PHF21A: variants seen among roughly 807,000 people sequenced by gnomAD.
PHF21A encodes BHC80a.
A neutral mutation model predicts 82.5 loss-of-function variants in PHF21A; 11 were observed. The ratio of observed to expected loss-of-function variants is 0.13; its 90% CI spans 0.08 to 0.22. The LOEUF is 0.22. Among genes scored for constraint, PHF21A ranks in the 10% least tolerant of loss-of-function variants. The pLI is 1.00. For synonymous variants in PHF21A, 297 were observed against 302.8 expected (o/e 0.98, Z 0.20); for missense variants, 579 against 837.8 (o/e 0.69, Z 3.81).
intron 6 of PHF21A, among the ~76,000 whole-genome samples, chr11:46,024,567 A>C (rs2095701406): frequency 6.6e-6 from 1 of 152,092 alleles, no homozygotes; most frequent in Admixed American, 6.6e-5. Flanking sequence ...TGGGAGGCCG[A>C]GGCAGGTGGA....
chr11:45,948,568 G>T lies in PHF21A; in HGVS notation c.1288+318C>A, dbSNP rs1239773110. ...CTGTTCTGCTTAATGACTCTCAAAT[G>T]CTTCCTTTTACATGGGGTTCTGTTC... On this transcript the variant is annotated intron_variant, in intron 14 of 18. Transcript: ENST00000676320. Among the ~76,000 whole-genome samples the T allele has an allele frequency of 2.0e-5, 3 of 152,232 alleles. 1 individual carries two copies. In the South Asian group the frequency reaches 6.2e-4, roughly 31 times the overall value.
intron 6 of PHF21A, among the ~76,000 whole-genome samples, chr11:46,057,180 G>T (rs1199650282): frequency 1.3e-5 from 2 of 152,058 alleles, no homozygotes; most frequent in African/African-American, 4.8e-5. Flanking sequence ...ATGTCCAGTG[G>T]GCTAGTAATG....
intron 18 of PHF21A, 191 bp from the exon 19 acceptor site, chr11:45,934,416 G>A: frequency 8.8e-6 from 5 of 568,012 alleles, no homozygotes; most frequent in Non-Finnish European, 1.5e-5. Context: ...CGGGTGGAGT[G>A]GGTAGGCTGG....
At chr11:45,974,849 G>A (rs1004088757) in intron 7 of PHF21A, among the ~76,000 whole-genome samples, 3 of 152,150 alleles carry the variant, frequency 2.0e-5, no homozygotes, top group African/African-American at 7.2e-5. Flanking sequence ...TTTCTCCACA[G>A]TTTCATGATG....
In PHF21A at chr11:45,950,272, C is replaced by A. The variant is rs778920853; in HGVS notation, c.1096-15G>T. ...AAGGCAAGTTTCTGTGCCAGAGAAACAAAAGAAGAATATGCTTCAGTCTGG... is the reference window on the plus strand; with the variant it reads ...AAGGCAAGTTTCTGTGCCAGAGAAAAAAAAGAAGAATATGCTTCAGTCTGG... On this transcript the variant is annotated splice_polypyrimidine_tract_variant and intron_variant, in intron 11 of 18. Coordinates refer to ENST00000676320, the MANE Select transcript of PHF21A (RefSeq NM_001352027.3). 2.5e-6 allele frequency: 4 copies of A among 1,608,482 alleles called. No homozygotes were observed. The highest frequency in any genetic ancestry group is 2.5e-6 in the Non-Finnish European group (3 of 1,176,564).
rs1164371128 is a variant in PHF21A, at chr11:45,934,241, A to C, written c.1789-16T>G. 3 of 1,607,520 alleles carry C rather than the reference A, an allele frequency of 1.9e-6. No individual in the cohort carries two copies. Among genetic ancestry groups the C allele is most frequent in the African/African-American group, 2.7e-5 (2 of 74,892 alleles). On this transcript the variant is annotated splice_polypyrimidine_tract_variant and intron_variant, in intron 18 of 18. Transcript: ENST00000676320. ...CCATGCATTTCTGCAGCAAATGACA[A>C]GGGCAGTGGCACTGAGCCGCCTGGT...
chr11:46,031,046 G>A (rs1161894223), intron 6 of PHF21A, among the ~76,000 whole-genome samples: 2 of 152,146 alleles, frequency 1.3e-5, no homozygotes, highest in African/African-American at 4.8e-5. Flanking sequence ...AACTTTTACA[G>A]GAAATTCATG....
intron 7 of PHF21A, among the ~76,000 whole-genome samples, chr11:45,977,032 ACT>A (rs1400111704): frequency 6.6e-6 from 1 of 151,776 alleles, no homozygotes; most frequent in African/African-American, 2.4e-5. Context: ...GCTATACAAC[ACT>A]GTTTTGGAGG....
chr11:46,005,285 G>A (rs1321817982), intron 6 of PHF21A, among the ~76,000 whole-genome samples: 3 of 152,104 alleles, frequency 2.0e-5, no homozygotes, highest in Non-Finnish European at 4.4e-5. Flanking sequence ...TTTGTTTCAT[G>A]TACAAAATGA....
At chr11:46,022,795 T>C (rs868360654) in intron 6 of PHF21A, among the ~76,000 whole-genome samples, 38 of 152,194 alleles carry the variant, frequency 2.5e-4, no homozygotes, top group Non-Finnish European at 4.9e-4. Context: ...TCCTTTCTTT[T>C]TTTTTGAGAC....
chr11:45,969,849 G>A lies in PHF21A; in HGVS notation c.668C>T (p.Pro223Leu). ...AAAGTTTGGACGTGGAGTGAGTCTA[G>A]GAGGGGGGATAAACTGTGGTACTTT... Reference protein sequence around the residue: ...PIKVPQFIPPPRLTPRPNFLP... With the variant: ...PIKVPQFIPPLRLTPRPNFLP... Residue 223 changes from proline to leucine, a missense_variant, in exon 9 of 19, where the codon CCT becomes CTT. Pro to Leu is a moderately conservative substitution (Grantham distance 98). Coordinates refer to ENST00000676320, the MANE Select transcript of PHF21A (RefSeq NM_001352027.3). 1 of 1,613,936 alleles carries A rather than the reference G, an allele frequency of 6.2e-7. No individual in the cohort carries two copies. Among genetic ancestry groups the A allele is most frequent in the Non-Finnish European group, 8.5e-7 (1 of 1,179,838 alleles).
At chr11:46,088,524 C>T (rs2096883390) in intron 3 of PHF21A, among the ~76,000 whole-genome samples, 1 of 152,162 alleles carries the variant, frequency 6.6e-6, no homozygotes, top group Non-Finnish European at 1.5e-5. Flanking sequence ...CTGGAAAGCA[C>T]ATTCACCATC....
intron 6 of PHF21A, among the ~76,000 whole-genome samples, chr11:46,020,993 A>T (rs923752148): frequency 1.3e-5 from 2 of 152,022 alleles, no homozygotes; most frequent in Non-Finnish European, 2.9e-5. Flanking sequence ...TGATGGGTTT[A>T]TTGGACCATA....
At chr11:45,995,437 A>G (rs2094871996) in intron 6 of PHF21A, among the ~76,000 whole-genome samples, 1 of 152,192 alleles carries the variant, frequency 6.6e-6, no homozygotes, top group Non-Finnish European at 1.5e-5. Context: ...TATACTTCAC[A>G]GCATGTTTGT....
intron 3 of PHF21A, among the ~76,000 whole-genome samples, chr11:46,088,432 C>CAACAAA (rs1260479820): frequency 1.3e-5 from 2 of 151,978 alleles, no homozygotes; most frequent in East Asian, 3.9e-4. Context: ...ACAACAACAA[C>CAACAAA]AACAAAACAT....
At chr11:46,084,017 G>A (rs2096825904) in intron 4 of PHF21A, 149 bp downstream of exon 4, 5 of 507,334 alleles carry the variant, frequency 9.9e-6, no homozygotes, top group South Asian at 3.6e-5. Flanking sequence ...TGACTTTGTC[G>A]AGTAGTGGTA....
chr11:46,051,468 C>T (rs535484825), intron 6 of PHF21A, among the ~76,000 whole-genome samples: 2 of 152,258 alleles, frequency 1.3e-5, no homozygotes, highest in East Asian at 3.9e-4. Flanking sequence ...TTTACTAGGC[C>T]TTCATTTCCA....
At chr11:46,055,457 T>C (rs747967917) in intron 6 of PHF21A, among the ~76,000 whole-genome samples, 2 of 152,198 alleles carry the variant, frequency 1.3e-5, no homozygotes, top group African/African-American at 2.4e-5. Flanking sequence ...AGAACTGGCA[T>C]TCAGAATGAG....
chr11:45,997,211 C>G (rs1350072913), intron 6 of PHF21A, among the ~76,000 whole-genome samples: 1 of 152,134 alleles, frequency 6.6e-6, no homozygotes, highest in Admixed American at 6.6e-5. Flanking sequence ...ATGTATGAAA[C>G]AGAGGGATTT....
Sources: allele counts gnomAD v4.1 joint callset (sites outside exome capture counted in the v4.1 genomes callset), GRCh38; gene constraint gnomAD v4.1.1; transcripts MANE v1.5; gene names NCBI Gene and HGNC (gene_info 2026-07-23, HGNC 2026-07-21).